Variants in SPATS2L observed in about 807,000 individuals in gnomAD.
The protein encoded by SPATS2L is spermatogenesis associated serine rich 2 like.
A neutral mutation model predicts 59.6 loss-of-function variants in SPATS2L; 30 were observed. The ratio of observed to expected loss-of-function variants is 0.50; its 90% CI spans 0.38 to 0.68. SPATS2L has a LOEUF of 0.68. Ranked by LOEUF, SPATS2L falls within the 30% of genes least tolerant of loss-of-function variation. The pLI is 0.00. For synonymous variants in SPATS2L, 252 were observed against 263.5 expected (o/e 0.96, Z 0.42); for missense variants, 615 against 700.0 (o/e 0.88, Z 1.37).
intron 2 of SPATS2L, among the ~76,000 whole-genome samples, chr2:200,371,558 T>TA (rs761954721): frequency 1.1e-4 from 16 of 152,144 alleles, no homozygotes; most frequent in Non-Finnish European, 2.4e-4. Context: ...GGGATTAACT[T>TA]ACAGCTCAGG....
intron 10 of SPATS2L, among the ~76,000 whole-genome samples, chr2:200,469,473 A>G (rs553386320): frequency 1.3e-5 from 2 of 152,342 alleles, no homozygotes; most frequent in South Asian, 4.1e-4. Context: ...TTTTCCAGAC[A>G]CTAAAGGCTT....
intron 8 of SPATS2L, among the ~76,000 whole-genome samples, chr2:200,444,421 G>T (rs2084899846): frequency 1.3e-5 from 2 of 152,140 alleles, no homozygotes; most frequent in South Asian, 4.1e-4. Flanking sequence ...AGGTGCTATT[G>T]TCAATTTAAC....
intron 2 of SPATS2L, among the ~76,000 whole-genome samples, chr2:200,337,548 G>T (rs745806316): frequency 4.6e-5 from 7 of 152,134 alleles, no homozygotes; most frequent in Non-Finnish European, 7.4e-5. Flanking sequence ...TTTCAAAGGG[G>T]TACCTGGGCA....
intron 1 of SPATS2L, among the ~76,000 whole-genome samples, chr2:200,310,455 C>T (rs554262976): frequency 2.0e-5 from 3 of 152,286 alleles, no homozygotes; most frequent in East Asian, 1.9e-4. Flanking sequence ...CAGCCATCAC[C>T]GTTTCTAGGA....
chr2:200,424,639 C>T (rs1038059408), intron 6 of SPATS2L, among the ~76,000 whole-genome samples: 5 of 152,202 alleles, frequency 3.3e-5, no homozygotes, highest in Non-Finnish European at 7.3e-5. Flanking sequence ...CTTCCTGAGG[C>T]TCATAAGCTA....
At chr2:200,475,618 T>A (rs1282826926) in intron 12 of SPATS2L, among the ~76,000 whole-genome samples, 1 of 152,232 alleles carries the variant, frequency 6.6e-6, no homozygotes, top group African/African-American at 2.4e-5. Context: ...AGGTTTGCCC[T>A]AAGCAGTTCC....
intron 6 of SPATS2L, among the ~76,000 whole-genome samples, chr2:200,423,717 A>G (rs1280470587): frequency 6.6e-6 from 1 of 152,214 alleles, no homozygotes; most frequent in African/African-American, 2.4e-5. Flanking sequence ...TCGCCAGGCT[A>G]CTATAGTGGA....
At chr2:200,426,204 C>T (rs1314838588) in intron 6 of SPATS2L, among the ~76,000 whole-genome samples, 1 of 149,952 alleles carries the variant, frequency 6.7e-6, no homozygotes, top group East Asian at 2.0e-4. Flanking sequence ...GATTCTCCTG[C>T]CTCAGCCTCC....
chr2:200,405,732 G>T (rs1192527558), intron 3 of SPATS2L, among the ~76,000 whole-genome samples: 1 of 152,150 alleles, frequency 6.6e-6, no homozygotes, highest in African/African-American at 2.4e-5. Flanking sequence ...TTTCAAAGTT[G>T]CAGGAACGGC....
chr2:200,400,665 C>A (rs986092617), intron 3 of SPATS2L, among the ~76,000 whole-genome samples: 2 of 152,102 alleles, frequency 1.3e-5, no homozygotes, highest in African/African-American at 4.8e-5. Flanking sequence ...AAATCAGTCT[C>A]CAATTTTACT....
intron 3 of SPATS2L, among the ~76,000 whole-genome samples, chr2:200,398,017 T>C (rs2105948574): frequency 6.6e-6 from 1 of 152,244 alleles, no homozygotes; most frequent in East Asian, 1.9e-4. Context: ...GAGCAGAGAA[T>C]GTCTCAAACT....
At chr2:200,451,271 A>G (rs1246962110) in intron 8 of SPATS2L, among the ~76,000 whole-genome samples, 8 of 151,994 alleles carry the variant, frequency 5.3e-5, no homozygotes, top group African/African-American at 1.7e-4. Context: ...CAGGGAGCCA[A>G]CATCACACCC....
At chr2:200,402,431 G>A (rs913676318) in intron 3 of SPATS2L, among the ~76,000 whole-genome samples, 2 of 152,086 alleles carry the variant, frequency 1.3e-5, no homozygotes, top group Admixed American at 6.6e-5. Flanking sequence ...CAGTCACTCA[G>A]TCCTATCTCT....
rs550970692 is a variant in SPATS2L at position 200,361,787 on chromosome 2, T to A, written c.-22-27436T>A. ...AAAATAAAAGGATTATTTACTGGTT[T>A]CTGTGTGCTTCTATGTATTTATCCC... On this transcript the variant is annotated intron_variant, in intron 2 of 12. Coordinates refer to ENST00000409140, the MANE Select transcript of SPATS2L (RefSeq NM_001100423.2). Among the ~76,000 whole-genome samples, 24 of 152,354 alleles carry A rather than the reference T, an allele frequency of 1.6e-4. No homozygotes were observed. In the South Asian group the frequency reaches 3.7e-3, roughly 24 times the overall value.
chr2:200,426,133 C>G (rs1010398875), intron 6 of SPATS2L, among the ~76,000 whole-genome samples: 1 of 124,410 alleles, frequency 8.0e-6, no homozygotes, highest in African/African-American at 3.1e-5. Context: ...CTGTGTTACC[C>G]AGGCTGGAGT....
rs531247046 is a variant in SPATS2L, at chr2:200,474,889, A to G, written c.1281+1837A>G. The stretch of plus-strand genomic sequence containing the variant: ...CCCTCCCGCAGCCATGGCCCTCTCT[A>G]CAGAGTAAGGAATCAGAGAGACCAA... On this transcript the variant is annotated intron_variant, in intron 12 of 12. Coordinates refer to ENST00000409140, the MANE Select transcript of SPATS2L (RefSeq NM_001100423.2). 2.0e-5 allele frequency among the ~76,000 whole-genome samples: 3 copies of G among 152,178 alleles called. No individual in the cohort carries two copies. In the East Asian group the frequency reaches 5.8e-4, roughly 29 times the overall value.
intron 6 of SPATS2L, among the ~76,000 whole-genome samples, chr2:200,433,681 G>C (rs993468042): frequency 6.6e-5 from 10 of 151,984 alleles, no homozygotes; most frequent in African/African-American, 2.4e-4. Flanking sequence ...AAGCTAACAG[G>C]ATGTTATAAA....
chr2:200,316,675 G>A (rs2079390392), intron 1 of SPATS2L, among the ~76,000 whole-genome samples: 1 of 152,138 alleles, frequency 6.6e-6, no homozygotes, highest in Admixed American at 6.6e-5. Flanking sequence ...CCCAAGTCCT[G>A]GATTTGTGTT....
At chr2:200,339,927 T>A (rs2080266251) in intron 2 of SPATS2L, among the ~76,000 whole-genome samples, 1 of 152,254 alleles carries the variant, frequency 6.6e-6, no homozygotes, top group South Asian at 2.1e-4. Flanking sequence ...CTTTTTCACA[T>A]GCAACCTTTG....
Sources: gnomAD v4.1 joint callset for allele counts (sites outside exome capture counted in the v4.1 genomes callset) on GRCh38, gnomAD v4.1.1 for gene constraint, MANE v1.5 for transcripts, NCBI Gene and HGNC (gene_info 2026-07-23, HGNC 2026-07-21) for gene names.